KCNAB2: variants seen among roughly 807,000 people sequenced by gnomAD.
The protein encoded by KCNAB2 is potassium voltage-gated channel subfamily A regulatory beta subunit 2.
A neutral mutation model predicts 63.6 loss-of-function variants in KCNAB2; 29 were observed. The ratio of observed to expected loss-of-function variants is 0.46; its 90% CI spans 0.34 to 0.62. The LOEUF (loss-of-function observed/expected upper bound fraction) is 0.62, where lower values mean the gene tolerates loss of function less well. Ranked by LOEUF, KCNAB2 falls within the 20% of genes least tolerant of loss-of-function variation. KCNAB2 has a pLI of 0.01. For missense variants in KCNAB2, 359 were observed against 563.9 expected (o/e 0.64, Z 3.68); for synonymous variants, 222 against 224.2 (o/e 0.99, Z 0.09).
chr1:6,009,153 C>G (rs1028302621), intron 1 of KCNAB2, among the ~76,000 whole-genome samples: 1 of 152,246 alleles, frequency 6.6e-6, no homozygotes, highest in African/African-American at 2.4e-5. Flanking sequence ...CCCAGCACCA[C>G]TATGCAGCTC....
intron 2 of KCNAB2, among the ~76,000 whole-genome samples, chr1:6,063,964 G>A (rs551115864): frequency 1.3e-5 from 2 of 152,344 alleles, no homozygotes; most frequent in East Asian, 1.9e-4. Flanking sequence ...TGAAAGTCTC[G>A]TGAGTCTCCC....
At chr1:6,085,084 C>A in intron 5 of KCNAB2, 120 bp from the exon 6 acceptor site, 2 of 1,033,630 alleles carry the variant, frequency 1.9e-6, no homozygotes, top group Non-Finnish European at 3.0e-6. Flanking sequence ...GTGTTAACAG[C>A]CTGGCTCTCT....
upstream of KCNAB2, among the ~76,000 whole-genome samples, chr1:6,043,717 A>C (rs2100480493): frequency 6.6e-6 from 1 of 152,340 alleles, no homozygotes; most frequent in Non-Finnish European, 1.5e-5. Flanking sequence ...TCAGTTACTT[A>C]GGCCTGGCCC....
intron 10 of KCNAB2, among the ~76,000 whole-genome samples, chr1:6,093,032 G>A (rs1665316114): frequency 6.6e-6 from 1 of 152,256 alleles, no homozygotes; most frequent in East Asian, 1.9e-4. Flanking sequence ...AAACAGAAGT[G>A]GACGGGAAGC....
chr1:6,047,742 G>A (rs1410057521), intron 1 of KCNAB2, among the ~76,000 whole-genome samples: 1 of 152,184 alleles, frequency 6.6e-6, no homozygotes, highest in East Asian at 1.9e-4. Context: ...GTGGCAGCAG[G>A]CAGAAGAGTC....
intron 1 of KCNAB2, among the ~76,000 whole-genome samples, chr1:6,007,202 G>T (rs545869436): frequency 3.1e-4 from 12 of 38,690 alleles, no homozygotes; most frequent in African/African-American, 7.4e-4. Flanking sequence ...GTCACTGCAT[G>T]GGGGGGGCTC....
intron 15 of KCNAB2, chr1:6,098,084 A>C: frequency 1.2e-6 from 1 of 860,690 alleles, no homozygotes; most frequent in Non-Finnish European, 1.4e-6. Context: ...GGGGGTGAGA[A>C]GGCGAGGTGG....
chr1:6,000,893 C>T (rs916592011), intron 1 of KCNAB2, among the ~76,000 whole-genome samples: 4 of 152,054 alleles, frequency 2.6e-5, no homozygotes, highest in African/African-American at 9.7e-5. Context: ...AACATCAGAG[C>T]GGGAGGAGGT....
At chr1:6,093,553 C>G (rs561704374) in intron 10 of KCNAB2, among the ~76,000 whole-genome samples, 1 of 152,248 alleles carries the variant, frequency 6.6e-6, no homozygotes. Context: ...GAAGTCTCCG[C>G]GATTTCATCC....
upstream of KCNAB2, among the ~76,000 whole-genome samples, chr1:6,042,848 C>CG (rs1051999478): frequency 3.7e-5 from 4 of 106,980 alleles, no homozygotes; most frequent in East Asian, 1.3e-3. Flanking sequence ...TCCCCACCCC[C>CG]CCCCCCGTTT....
chr1:6,077,562 C>T (rs538338833), intron 4 of KCNAB2, among the ~76,000 whole-genome samples: 49 of 152,326 alleles, frequency 3.2e-4, no homozygotes, highest in Admixed American at 5.2e-4. Flanking sequence ...TGCACGCCTT[C>T]GGGGGTCTGT....
At chr1:6,093,372 T>C (rs1665349029) in intron 10 of KCNAB2, among the ~76,000 whole-genome samples, 1 of 152,220 alleles carries the variant, frequency 6.6e-6, no homozygotes, top group African/African-American at 2.4e-5. Flanking sequence ...GCTTCTGAAA[T>C]TTGAAATTTC....
intron 1 of KCNAB2, among the ~76,000 whole-genome samples, chr1:6,048,464 C>T (rs1570952614): frequency 6.6e-6 from 1 of 152,340 alleles, no homozygotes; most frequent in South Asian, 2.1e-4. Flanking sequence ...GGTCAAGGTG[C>T]CTGCCTGGGC....
intron 2 of KCNAB2, among the ~76,000 whole-genome samples, chr1:6,063,551 A>G (rs926093279): frequency 2.0e-5 from 3 of 151,806 alleles, no homozygotes; most frequent in African/African-American, 7.3e-5. Flanking sequence ...CTGGCATTAC[A>G]GGTGTGTGCC....
chr1:6,045,923 T>C lies in KCNAB2; in HGVS notation c.-287T>C. 10 of 985,430 alleles carry C rather than the reference T, an allele frequency of 1.0e-5. No individual in the cohort carries two copies. Among genetic ancestry groups the C allele is most frequent in the Non-Finnish European group, 1.2e-5 (10 of 829,936 alleles). 61.0% of individuals were successfully genotyped at this position (985,430 alleles called of 1,614,324 possible). A position where few individuals can be genotyped will look rare whatever the true frequency, so the allele number is the denominator to read the frequency against. On this transcript the variant is annotated 5_prime_UTR_variant, in exon 1 of 16. Transcript: ENST00000378083. This position sits in a 1 kb window ranked among gnomAD's most constrained non-coding sequence, Gnocchi z 4.8. ...GCCAGGTTGCAGCACGGAACTGCAC[T>C]TCCCGAGCTTTTAGGGGAAGAGGCA...
intron 1 of KCNAB2, among the ~76,000 whole-genome samples, chr1:6,000,663 A>AG (rs1471364258): frequency 2.6e-5 from 4 of 151,516 alleles, no homozygotes; most frequent in African/African-American, 7.3e-5. Flanking sequence ...AAAGAAAAAA[A>AG]AAAAAAAGAA....
chr1:6,097,091 A>T (rs1665706789), intron 14 of KCNAB2, among the ~76,000 whole-genome samples, 178 bp from the exon 15 acceptor site: 1 of 152,072 alleles, frequency 6.6e-6, no homozygotes, highest in Non-Finnish European at 1.5e-5. Context: ...GGGCTCCCCC[A>T]TGCCTCCTCC....
At chr1:6,011,628 T>A (rs1323768951) in intron 1 of KCNAB2, among the ~76,000 whole-genome samples, 1 of 152,180 alleles carries the variant, frequency 6.6e-6, no homozygotes, top group Non-Finnish European at 1.5e-5. Flanking sequence ...ACGAAGGGCT[T>A]TTGAGAAAAG....
At chr1:6,034,426 G>A (rs1659869424) in exon 1 of KCNAB2, 1 of 152,414 alleles carries the variant, frequency 6.6e-6, no homozygotes, top group African/African-American at 2.4e-5. Flanking sequence ...TTGTAATGTG[G>A]TCATCAAACG....
Sources: gnomAD v4.1 joint callset for allele counts (sites outside exome capture counted in the v4.1 genomes callset) on GRCh38, gnomAD v4.1.1 for gene constraint, Gnocchi (gnomAD v3.1) non-coding constraint, MANE v1.5 for transcripts, NCBI Gene and HGNC (gene_info 2026-07-23, HGNC 2026-07-21) for gene names.